Variants in SLIT1 observed in about 807,000 individuals in gnomAD.
The protein encoded by SLIT1 is slit guidance ligand 1, also known as slit homolog 1 protein.
In SLIT1, 66 loss-of-function variants were observed where a neutral mutation model predicts 186.1. That is an observed-to-expected ratio of 0.35 (90% confidence interval 0.29 to 0.44). The LOEUF (loss-of-function observed/expected upper bound fraction) is 0.44, where lower values mean the gene tolerates loss of function less well. SLIT1 is among the 20% of genes least tolerant of loss of function. The probability of loss-of-function intolerance (pLI) is 1.00; values close to 1 mark genes in which losing one functional copy is unlikely to be tolerated. For missense variants in SLIT1, 1,638 were observed against 2,037.4 expected, an observed-to-expected ratio of 0.80 and a Z score of 3.77; for synonymous variants, 761 against 833.8, an observed-to-expected ratio of 0.91 and a Z score of 1.50.
At position 97,002,971 on chromosome 10, in the gene SLIT1, G is replaced by A. The variant is rs1250579848; in HGVS notation, c.3887C>T (p.Ser1296Leu). The change falls in exon 35 of 37, where the codon TCA becomes TTA. Residue 1296 changes from serine to leucine, a missense_variant. By Grantham distance (145) the Ser-to-Leu change is moderately radical. Transcript: ENST00000266058. ...YVGGMPVDVN[S>L]AAFRLWQILN... is the part of the protein sequence containing the mutation. ...GATCTGCCACAGGCGGAAGGCAGCT[G>A]AGTTGACATCCACGGGCATCCCTGG... 5.6e-6 allele frequency: 9 copies of A among 1,613,852 alleles called. No individual in the cohort carries two copies. In the Admixed American group the frequency reaches 1.5e-4, roughly 27 times the overall value.
Position 97,093,459 on chromosome 10 carries a change from C to T in SLIT1, c.414-27373G>A, listed in dbSNP as rs543232669. Among the ~76,000 whole-genome samples, 7 of 152,348 alleles carry T rather than the reference C, an allele frequency of 4.6e-5. No homozygotes were observed. In the South Asian group the frequency reaches 1.5e-3, roughly 32 times the overall value. The stretch of plus-strand genomic sequence containing the variant: ...AAAATCTCTTTGAAGGAGGCTGACT[C>T]AGTTGGGAAAGGTGCCCTTCCTTCA... On this transcript the variant is annotated intron_variant, in intron 4 of 36. Coordinates refer to ENST00000266058, the MANE Select transcript of SLIT1 (RefSeq NM_003061.3).
In SLIT1 at chr10:97,040,015, T is replaced by A. The variant is rs764657129; in HGVS notation, c.2270A>T (p.Lys757Met). The A allele has an allele frequency of 6.2e-7, 1 of 1,613,780 alleles. No homozygotes were observed. Among genetic ancestry groups the A allele is most frequent in the Non-Finnish European group, 8.5e-7 (1 of 1,179,844 alleles). ...TTCTGTGACATTCTTGGGAATGCCC[T>A]TGGGCAGGGCCCGCAGGTGCTTGTT... ...CSNKHLRALP[K>M]GIPKNVTELY... Residue 757 changes from lysine (K) to methionine (M), a missense_variant, in exon 21 of 37, where the codon AAG (lysine) becomes ATG (methionine). Lys to Met is a moderately conservative substitution (Grantham distance 95, BLOSUM62 -1). Coordinates refer to ENST00000266058, the MANE Select transcript of SLIT1 (RefSeq NM_003061.3).
chr10:97,081,881 TC>T (rs1849108995), intron 4 of SLIT1, among the ~76,000 whole-genome samples: 1 of 152,108 alleles, frequency 6.6e-6, no homozygotes, highest in Non-Finnish European at 1.5e-5. Context: ...GGCTAAAGAC[TC>T]ACCTTGGATC....
chr10:97,138,146 C>G (rs889583919), intron 4 of SLIT1, among the ~76,000 whole-genome samples: 2 of 152,182 alleles, frequency 1.3e-5, no homozygotes, highest in African/African-American at 4.8e-5. Flanking sequence ...GTTATGAAAC[C>G]TGCATATACC....
chr10:97,132,479 G>A (rs952604816), intron 4 of SLIT1, among the ~76,000 whole-genome samples: 2 of 152,176 alleles, frequency 1.3e-5, no homozygotes, highest in Non-Finnish European at 2.9e-5. Flanking sequence ...CCTGTCCACA[G>A]TCCAATGGCC....
intron 1 of SLIT1, among the ~76,000 whole-genome samples, chr10:97,180,836 C>T (rs1850327110): frequency 6.6e-6 from 1 of 152,252 alleles, no homozygotes; most frequent in African/African-American, 2.4e-5. Context: ...TCTTCTGCCC[C>T]ACCCAAACCC....
At chr10:97,130,573 A>G (rs1849643702) in intron 4 of SLIT1, among the ~76,000 whole-genome samples, 1 of 152,180 alleles carries the variant, frequency 6.6e-6, no homozygotes, top group Non-Finnish European at 1.5e-5. Context: ...CGGAAACAGA[A>G]AGTAGAATGG....
intron 14 of SLIT1, 47 bp downstream of exon 14, chr10:97,048,908 C>G: frequency 6.3e-7 from 1 of 1,579,698 alleles, no homozygotes; most frequent in Non-Finnish European, 8.6e-7. Flanking sequence ...GGCAGGTGGG[C>G]AGGCAGGTAG....
intron 8 of SLIT1, 137 bp downstream of exon 8, chr10:97,063,318 G>A (rs1442741408): frequency 1.1e-6 from 1 of 890,580 alleles, no homozygotes. Flanking sequence ...GTCAGGAGGT[G>A]ATGGGTGGGG....
chr10:97,179,444 T>G (rs1343844757), intron 1 of SLIT1, among the ~76,000 whole-genome samples: 1 of 152,172 alleles, frequency 6.6e-6, no homozygotes, highest in African/African-American at 2.4e-5. Context: ...TCATCTCATC[T>G]TAACTTCACA....
At chr10:97,120,977 C>G (rs1849555602) in intron 4 of SLIT1, among the ~76,000 whole-genome samples, 1 of 152,138 alleles carries the variant, frequency 6.6e-6, no homozygotes, top group Admixed American at 6.5e-5. Context: ...ACCGCCTTCT[C>G]TCTCCCGGTT....
intron 11 of SLIT1, among the ~76,000 whole-genome samples, chr10:97,057,500 G>A (rs1016692430): frequency 1.3e-5 from 2 of 152,278 alleles, no homozygotes; most frequent in African/African-American, 4.8e-5. Flanking sequence ...CTATGGGCTA[G>A]AGATGCCCCT....
intron 27 of SLIT1, 100 bp downstream of exon 27, chr10:97,018,883 C>A: frequency 1.4e-6 from 1 of 704,228 alleles, no homozygotes. Flanking sequence ...CAGGTTCACT[C>A]AAGCATCTGC....
At position 97,004,229 on chromosome 10, in the gene SLIT1, G is replaced by C. The variant is rs2134586524; in HGVS notation, c.3711-7C>G. On this transcript the variant is annotated splice_polypyrimidine_tract_variant and splice_region_variant and intron_variant, in intron 33 of 36. Coordinates refer to ENST00000266058, the MANE Select transcript of SLIT1 (RefSeq NM_003061.3). The surrounding 1 kb of genome is among the most constrained non-coding windows in gnomAD (Gnocchi z 5.1). ...ATCGTTGATCGTCTCAGCACTGGAG[G>C]AAGAGGGGGTTCCCCGTTCCAGGGA... 6.3e-7 allele frequency: 1 copy of C among 1,596,826 alleles called. No individual in the cohort carries two copies. The highest frequency in any genetic ancestry group is 1.3e-5 in the African/African-American group (1 of 74,790).
At chr10:97,176,413 C>T (rs554079967) in intron 1 of SLIT1, among the ~76,000 whole-genome samples, 1 of 152,128 alleles carries the variant, frequency 6.6e-6, no homozygotes, top group Non-Finnish European at 1.5e-5. Context: ...CCCACATTCC[C>T]CAAGACCCCT....
intron 4 of SLIT1, among the ~76,000 whole-genome samples, chr10:97,123,188 G>A (rs1849574857): frequency 1.3e-5 from 2 of 152,194 alleles, no homozygotes; most frequent in Non-Finnish European, 2.9e-5. Flanking sequence ...CCAAAGACGT[G>A]ATCTTCTGAA....
chr10:97,173,587 C>T (rs1850218924), intron 1 of SLIT1, among the ~76,000 whole-genome samples: 1 of 151,722 alleles, frequency 6.6e-6, no homozygotes, highest in Non-Finnish European at 1.5e-5. Context: ...CAGCCTTGAC[C>T]TCCCAGGCTC....
At chr10:97,033,168 C>T (rs762917251) in intron 23 of SLIT1, among the ~76,000 whole-genome samples, 2 of 152,038 alleles carry the variant, frequency 1.3e-5, no homozygotes, top group African/African-American at 4.8e-5. Context: ...CCCACCTCAG[C>T]CCCCCAAGTA....
At chr10:97,165,250 C>T (rs186168958) in intron 1 of SLIT1, among the ~76,000 whole-genome samples, 1 of 152,304 alleles carries the variant, frequency 6.6e-6, no homozygotes, top group Admixed American at 6.5e-5. Flanking sequence ...CCTCGCTGAG[C>T]CTCAATTTCC....
Sources: gnomAD v4.1 joint callset for allele counts (sites outside exome capture counted in the v4.1 genomes callset) on GRCh38, gnomAD v4.1.1 for gene constraint, Gnocchi (gnomAD v3.1) non-coding constraint, MANE v1.5 for transcripts, NCBI Gene and HGNC (gene_info 2026-07-23, HGNC 2026-07-21) for gene names.